TAFA2: variants seen among roughly 807,000 people sequenced by gnomAD.
TAFA2 encodes TAFA chemokine like family member 2.
A neutral mutation model predicts 18.8 loss-of-function variants in TAFA2; 7 were observed. The observed-to-expected ratio is 0.37, with a 90% CI of 0.21 to 0.70. The LOEUF is 0.70. Ranked by LOEUF, TAFA2 falls within the 30% of genes least tolerant of loss-of-function variation. TAFA2 has a pLI of 0.53. For missense variants in TAFA2, 122 were observed against 158.1 expected (o/e 0.77, Z 1.23); for synonymous variants, 60 against 54.2 (o/e 1.11, Z -0.47).
intron 2 of TAFA2, among the ~76,000 whole-genome samples, chr12:61,795,256 T>C (rs1002477974): frequency 1.2e-4 from 18 of 152,306 alleles, no homozygotes; most frequent in African/African-American, 4.1e-4. Flanking sequence ...TTATAAATCA[T>C]GCTGCTATAA....
chr12:62,116,045 T>C (rs749502242), intron 1 of TAFA2, among the ~76,000 whole-genome samples: 15 of 152,208 alleles, frequency 9.9e-5, no homozygotes, highest in Non-Finnish European at 2.1e-4. Flanking sequence ...TGAATATTAG[T>C]TCTTTAGTCT....
At chr12:62,093,477 C>T (rs995520929) in intron 1 of TAFA2, among the ~76,000 whole-genome samples, 2 of 152,018 alleles carry the variant, frequency 1.3e-5, no homozygotes, top group Non-Finnish European at 1.5e-5. Context: ...AGAATTTACA[C>T]ATTCAAATGA....
At chr12:61,910,232 G>T (rs931464090) in intron 1 of TAFA2, among the ~76,000 whole-genome samples, 1 of 151,802 alleles carries the variant, frequency 6.6e-6, no homozygotes, top group Non-Finnish European at 1.5e-5. Flanking sequence ...GGATTTTAGG[G>T]GTACAATCCA....
chr12:61,878,102 A>G (rs1281953508), intron 1 of TAFA2: 1 of 455,366 alleles, frequency 2.2e-6, no homozygotes, highest in African/African-American at 2.0e-5. Context: ...GAATAGTCAA[A>G]TTCGTTGAGA....
intron 4 of TAFA2, among the ~76,000 whole-genome samples, chr12:61,713,189 G>A (rs563598919): frequency 6.6e-5 from 10 of 152,234 alleles, no homozygotes; most frequent in African/African-American, 1.7e-4. Flanking sequence ...ACCAATCACC[G>A]AGTTTTGGCC....
intron 2 of TAFA2, among the ~76,000 whole-genome samples, chr12:61,808,552 T>A (rs1414481014): frequency 6.6e-6 from 1 of 151,346 alleles, no homozygotes; most frequent in Admixed American, 6.6e-5. Context: ...GATAAGCTGA[T>A]GAGCAAAACA....
intron 4 of TAFA2, among the ~76,000 whole-genome samples, chr12:61,730,334 G>C (rs908401722): frequency 2.0e-5 from 3 of 152,082 alleles, no homozygotes; most frequent in African/African-American, 7.2e-5. Context: ...ATAATATCTT[G>C]AGTTAGTTGG....
chr12:62,179,740 T>C (rs2062539116), intron 1 of TAFA2, among the ~76,000 whole-genome samples: 1 of 152,180 alleles, frequency 6.6e-6, no homozygotes, highest in African/African-American at 2.4e-5. Flanking sequence ...ATTTCCTCTT[T>C]TTTTAGAGAG....
intron 4 of TAFA2, among the ~76,000 whole-genome samples, chr12:61,711,954 T>C (rs1274259877): frequency 2.0e-5 from 3 of 152,106 alleles, no homozygotes; most frequent in African/African-American, 4.8e-5. Context: ...AGTCATCATA[T>C]ACAATTTCTG....
chr12:62,174,001 G>GA (rs982067031), intron 1 of TAFA2, among the ~76,000 whole-genome samples: 10 of 152,228 alleles, frequency 6.6e-5, no homozygotes, highest in African/African-American at 9.6e-5. Context: ...AGATCAATAA[G>GA]AAAATGTTGG....
In TAFA2 at chr12:61,756,078, C is replaced by T. The variant is rs547954111; in HGVS notation, c.107-1054G>A. ...TTGCAAATGAGATCGGCACATCATA[C>T]ATTTATATTAATCTTCCCATTGAAG... is the stretch of plus-strand genomic sequence containing the variant. On this transcript the variant is annotated intron_variant, in intron 2 of 4. Coordinates refer to ENST00000416284, the MANE Select transcript of TAFA2 (RefSeq NM_178539.5). Among the ~76,000 whole-genome samples, 69 of 152,134 alleles carry T rather than the reference C, an allele frequency of 4.5e-4. No homozygotes were observed. In the East Asian group the frequency reaches 0.013, roughly 28 times the overall value.
At chr12:62,189,300 C>A (rs1195215851) in intron 1 of TAFA2, among the ~76,000 whole-genome samples, 1 of 152,082 alleles carries the variant, frequency 6.6e-6, no homozygotes, top group Non-Finnish European at 1.5e-5. Flanking sequence ...ACCTCACGGA[C>A]TTTTAGTATC....
chr12:62,183,870 C>T (rs556003347), intron 1 of TAFA2, among the ~76,000 whole-genome samples: 29 of 152,190 alleles, frequency 1.9e-4, no homozygotes, highest in African/African-American at 6.0e-4. Context: ...CCTAGTTGAT[C>T]GAACTAATTT....
chr12:61,908,403 G>T (rs906316783), intron 1 of TAFA2, among the ~76,000 whole-genome samples: 8 of 151,942 alleles, frequency 5.3e-5, no homozygotes, highest in Non-Finnish European at 1.2e-4. Flanking sequence ...AAGACAACAG[G>T]CAAGACAATG....
intron 1 of TAFA2, among the ~76,000 whole-genome samples, chr12:61,868,665 C>A (rs917841363): frequency 2.6e-5 from 4 of 151,998 alleles, no homozygotes; most frequent in African/African-American, 7.2e-5. Context: ...GAGTCCTTGA[C>A]ATTTTTTCAT....
At chr12:62,159,762 A>T (rs2062393973) in intron 1 of TAFA2, among the ~76,000 whole-genome samples, 1 of 152,154 alleles carries the variant, frequency 6.6e-6, no homozygotes, top group South Asian at 2.1e-4. Flanking sequence ...TACAGTGTAT[A>T]CTGCTCGGGT....
intron 2 of TAFA2, among the ~76,000 whole-genome samples, chr12:61,798,488 A>T (rs939784676): frequency 6.6e-6 from 1 of 152,130 alleles, no homozygotes; most frequent in Non-Finnish European, 1.5e-5. Flanking sequence ...CATCATCACC[A>T]TCTATCTCCA....
rs560784981 is a variant in TAFA2 at position 62,083,426 on chromosome 12, C to T, written c.-2+107833G>A. Among the ~76,000 whole-genome samples, 128 of 152,130 alleles carry T rather than the reference C, an allele frequency of 8.4e-4. 1 individual carries two copies. The highest frequency in any genetic ancestry group is 8.3e-3 in the South Asian group (40 of 4,814). ...TATTGGACACCCCCTAGCCAAAATT[C>T]AGGTAAACATTTTTCTGGGGCATAT... On this transcript the variant is annotated intron_variant, in intron 1 of 4. Transcript: ENST00000416284.
intron 1 of TAFA2, among the ~76,000 whole-genome samples, chr12:61,871,365 T>A (rs1030595191): frequency 2.0e-5 from 3 of 152,182 alleles, no homozygotes; most frequent in African/African-American, 7.2e-5. Context: ...CTTTCTCTAT[T>A]TGCTAACCAC....
Sources: allele counts gnomAD v4.1 joint callset (sites outside exome capture counted in the v4.1 genomes callset), GRCh38; gene constraint gnomAD v4.1.1; transcripts MANE v1.5; gene names NCBI Gene and HGNC (gene_info 2026-07-23, HGNC 2026-07-21).